Variants in PXDC1 observed in about 807,000 individuals in gnomAD.
PXDC1 encodes PX domain-containing protein 1.
Under a neutral mutation model 24.4 loss-of-function variants are expected in PXDC1, and 13 were observed. The ratio of observed to expected loss-of-function variants is 0.53; its 90% confidence interval spans 0.35 to 0.85. The LOEUF (loss-of-function observed/expected upper bound fraction) is 0.85. Ranked by LOEUF, PXDC1 falls within the 40% of genes least tolerant of loss-of-function variation. The pLI, the probability that PXDC1 is intolerant of heterozygous loss-of-function variation, is 0.01. For missense variants in PXDC1, 344 were observed against 309.3 expected (o/e 1.11, Z -0.84); for synonymous variants, 162 against 124.9 (o/e 1.30, Z -1.98).
In PXDC1 at chr6:3,725,269, A is replaced by G. The variant is rs936588666; in HGVS notation, c.579-1533T>C. On this transcript the variant is annotated intron_variant, in intron 4 of 4. Coordinates refer to ENST00000380283, the MANE Select transcript of PXDC1 (RefSeq NM_183373.4). This position sits in a 1 kb window ranked among gnomAD's most constrained non-coding sequence, Gnocchi z 4.8. ...CAGATCACAGGATGACCCTGAGGAC[A>G]TGAGGAGGGAGGGGGACCGGGATGC... 2.6e-5 allele frequency among the ~76,000 whole-genome samples: 4 copies of G among 152,142 alleles called. No homozygotes were observed. Among genetic ancestry groups the G allele is most frequent in the Non-Finnish European group, 5.9e-5 (4 of 68,002 alleles).
intron 3 of PXDC1, among the ~76,000 whole-genome samples, chr6:3,735,969 C>T (rs1038513177): frequency 1.4e-4 from 21 of 152,176 alleles, no homozygotes; most frequent in Non-Finnish European, 2.1e-4. Context: ...CACCACCCTG[C>T]GCACACACAA....
In PXDC1 at chr6:3,737,129, T is replaced by C; in HGVS notation, c.416A>G (p.Asp139Gly). ...RSPLDQVLKN[D>G]NVHKIQPSFQ... ...GCTGGGTTGAATTTTATGCACATTA[T>C]CATTTTTTAACACCTGATCCAGAGG... The change falls in exon 3 of 5, where the codon GAT (aspartate) becomes GGT (glycine). Residue 139 changes from aspartate to glycine, a missense_variant. Physicochemically the swap from Asp to Gly is moderately conservative, Grantham distance 94 (BLOSUM62 -1). Coordinates refer to ENST00000380283, the MANE Select transcript of PXDC1 (RefSeq NM_183373.4). This position sits in a 1 kb window ranked among gnomAD's most constrained non-coding sequence, Gnocchi z 5.5. 1 of 1,613,964 alleles carries C rather than the reference T, an allele frequency of 6.2e-7. No individual in the cohort carries two copies. The highest frequency in any genetic ancestry group is 2.2e-5 in the East Asian group (1 of 44,886).
At chr6:3,727,293 C>T (rs1486993791) in intron 4 of PXDC1, among the ~76,000 whole-genome samples, 2 of 152,348 alleles carry the variant, frequency 1.3e-5, no homozygotes, top group Non-Finnish European at 1.5e-5. Flanking sequence ...CAGGGCCCCA[C>T]ACGAACCAGG....
At position 3,751,498 on chromosome 6, in the gene PXDC1, C is replaced by G; in HGVS notation, c.34G>C (p.Val12Leu). Residue 12 changes from valine to leucine, a missense_variant, in exon 1 of 5, where the codon GTG (valine) becomes CTG (leucine). Val to Leu is a conservative substitution (Grantham distance 32). Transcript: ENST00000380283. ...CAGCAGCCGCGCACGAACATGTTCA[C>G]GAGCGACGTGCCCTCAAACACCGCC... ...ASAVFEGTSL[V>L]NMFVRGCWVN... 1 of 1,602,564 alleles carries G rather than the reference C, an allele frequency of 6.2e-7. No individual in the cohort carries two copies. The highest frequency in any genetic ancestry group is 8.5e-7 in the Non-Finnish European group (1 of 1,176,296).
intron 1 of PXDC1, among the ~76,000 whole-genome samples, chr6:3,743,201 CTA>C: frequency 1.6e-5 from 2 of 125,230 alleles, no homozygotes; most frequent in Admixed American, 1.6e-4. Flanking sequence ...AATTCTGAAA[CTA>C]AAGGCAGGAT....
intron 1 of PXDC1, among the ~76,000 whole-genome samples, chr6:3,746,066 G>A (rs1740872900): frequency 6.6e-6 from 1 of 152,208 alleles, no homozygotes; most frequent in Non-Finnish European, 1.5e-5. Context: ...AGATCAAGGT[G>A]CTCCTGAGCT....
rs1279508349 is a variant in PXDC1, at chr6:3,751,614, C to T, written c.-83G>A. ...AGGCGCGCCCCGGCCGGGGTCGTCC[C>T]GGGTCTGTCCGTGGCCGGGGTCGTC... On this transcript the variant is annotated 5_prime_UTR_variant, in exon 1 of 5. Coordinates refer to ENST00000380283, the MANE Select transcript of PXDC1 (RefSeq NM_183373.4). 1.7e-5 allele frequency: 23 copies of T among 1,387,482 alleles called. No homozygotes were observed. The African/African-American group carries it at 1.7e-4, about 10-fold the overall frequency. 85.9% of individuals were successfully genotyped at this position (1,387,482 alleles called of 1,614,324 possible). A position where few individuals can be genotyped will look rare whatever the true frequency, so the allele number is the denominator to read the frequency against.
intron 4 of PXDC1, among the ~76,000 whole-genome samples, chr6:3,727,137 G>A (rs1760087845): frequency 6.6e-6 from 1 of 152,266 alleles, no homozygotes; most frequent in South Asian, 2.1e-4. Context: ...GGCTTTGGCT[G>A]TCCAGCCTCA....
intron 3 of PXDC1, among the ~76,000 whole-genome samples, chr6:3,731,503 AT>A (rs962824315): frequency 6.6e-6 from 1 of 152,148 alleles, no homozygotes; most frequent in Non-Finnish European, 1.5e-5. Flanking sequence ...CTTTCAAGCT[AT>A]TTTTTTACAC....
At chr6:3,735,705 G>A (rs1209968524) in intron 3 of PXDC1, among the ~76,000 whole-genome samples, 3 of 152,148 alleles carry the variant, frequency 2.0e-5, no homozygotes, top group African/African-American at 7.2e-5. Context: ...AGGTGACAAG[G>A]GTTAACAGTA....
chr6:3,751,520 C>T lies in PXDC1; in HGVS notation c.12G>A (p.Ala4=). Residue 4 remains alanine, a synonymous_variant, in exon 1 of 5, where the codon GCG becomes GCA. Coordinates refer to ENST00000380283, the MANE Select transcript of PXDC1 (RefSeq NM_183373.4). Reference sequence around the variant, plus strand: ...TCACGAGCGACGTGCCCTCAAACACCGCCGAGGCCATGTCGCACGCATGCC... The same window carrying T: ...TCACGAGCGACGTGCCCTCAAACACTGCCGAGGCCATGTCGCACGCATGCC... MAS[A]VFEGTSLVNM... is the part of the protein sequence containing the mutation. 1 of 1,588,796 alleles carries T rather than the reference C, an allele frequency of 6.3e-7. No homozygotes were observed. The highest frequency in any genetic ancestry group is 8.5e-7 in the Non-Finnish European group (1 of 1,170,154).
At chr6:3,736,771 A>G (rs1176833612) in intron 3 of PXDC1, among the ~76,000 whole-genome samples, 1 of 152,248 alleles carries the variant, frequency 6.6e-6, no homozygotes, top group African/African-American at 2.4e-5. Flanking sequence ...CAGGCTGAAC[A>G]GTGGATTCCA....
chr6:3,751,223 G>A lies in PXDC1; in HGVS notation c.256+53C>T, dbSNP rs544766344. On this transcript the variant is annotated intron_variant, in intron 1 of 4. Transcript: ENST00000380283. ...GAAGTCTCTTCCCCGCCTCCTTCGT[G>A]CACTTCAAGGCTGCCTCGGCCCCGC... 23 of 1,298,654 alleles carry A rather than the reference G, an allele frequency of 1.8e-5. No homozygotes were observed. In the South Asian group the frequency reaches 3.5e-4, roughly 20 times the overall value. 80.4% of individuals were successfully genotyped at this position (1,298,654 alleles called of 1,614,324 possible). A position where few individuals can be genotyped will look rare whatever the true frequency, so the allele number is the denominator to read the frequency against.
chr6:3,725,948 C>G lies in PXDC1; in HGVS notation c.578+1603G>C, dbSNP rs1010712596. Among the ~76,000 whole-genome samples, 2 of 151,006 alleles carry G rather than the reference C, an allele frequency of 1.3e-5. No individual in the cohort carries two copies. The highest frequency in any genetic ancestry group is 4.8e-5 in the African/African-American group (2 of 41,310). On this transcript the variant is annotated intron_variant, in intron 4 of 4. Coordinates refer to ENST00000380283, the MANE Select transcript of PXDC1 (RefSeq NM_183373.4). This position sits in a 1 kb window ranked among gnomAD's most constrained non-coding sequence, Gnocchi z 4.8. ...CAGGCATCCCGGAGCAGGTGGCCGCCTATTCAAGACCTGTCACTCCTGTGC... is the reference window on the plus strand; with the variant it reads ...CAGGCATCCCGGAGCAGGTGGCCGCGTATTCAAGACCTGTCACTCCTGTGC...
At position 3,737,189 on chromosome 6, in the gene PXDC1, C is replaced by T; in HGVS notation, c.356G>A (p.Arg119Lys). The T allele has an allele frequency of 6.2e-7, 1 of 1,602,310 alleles. No individual in the cohort carries two copies. Among genetic ancestry groups the T allele is most frequent in the Non-Finnish European group, 8.6e-7 (1 of 1,169,214 alleles). Reference sequence around the variant, plus strand: ...GAAGAAGGTGAGCACAACTTCCGATCTAGAATACTGGGGAGAAATGCAGGG... The same window carrying T: ...GAAGAAGGTGAGCACAACTTCCGATTTAGAATACTGGGGAGAAATGCAGGG... ...TIISMPCKYS[R>K]SEVVLTFFER... Residue 119 changes from arginine to lysine, a missense_variant, in exon 3 of 5, where the codon AGA (arginine) becomes AAA (lysine). By Grantham distance (26) the Arg-to-Lys change is conservative. Transcript: ENST00000380283. The surrounding 1 kb of genome is among the most constrained non-coding windows in gnomAD (Gnocchi z 5.5).
intron 3 of PXDC1, among the ~76,000 whole-genome samples, chr6:3,734,569 C>T (rs1478241833): frequency 1.3e-5 from 2 of 152,050 alleles, no homozygotes; most frequent in African/African-American, 2.4e-5. Context: ...CCATAGACAC[C>T]CAGCCAGGAA....
intron 1 of PXDC1, among the ~76,000 whole-genome samples, chr6:3,744,786 T>C (rs1760527832): frequency 6.6e-6 from 1 of 152,344 alleles, no homozygotes; most frequent in Middle Eastern, 3.4e-3. Flanking sequence ...CAAGCTCCGC[T>C]TCCAGGGTTC....
rs1349340139 is a variant in PXDC1, at chr6:3,727,607, G to T, written c.522C>A (p.Asp174Glu). ...CLANTETIVI[D>E]HSIPNGRDQQ... ...GGTCTCTTCCATTTGGTATACTGTG[G>T]TCAATAACTATTGTTTCGGTATTTG... is the stretch of plus-strand genomic sequence containing the variant. Residue 174 changes from aspartate to glutamate, a missense_variant, in exon 4 of 5, where the codon GAC becomes GAA. Asp to Glu is a conservative substitution (Grantham distance 45, BLOSUM62 2). Coordinates refer to ENST00000380283, the MANE Select transcript of PXDC1 (RefSeq NM_183373.4). 1.2e-6 allele frequency: 2 copies of T among 1,613,802 alleles called. No individual in the cohort carries two copies. Among genetic ancestry groups the T allele is most frequent in the South Asian group, 1.1e-5 (1 of 91,070 alleles).
chr6:3,727,918 C>T (rs889252282), intron 3 of PXDC1, among the ~76,000 whole-genome samples: 30 of 152,152 alleles, frequency 2.0e-4, no homozygotes, highest in African/African-American at 1.4e-4. Context: ...TGCCTGAGTA[C>T]GCTCTCCATA....
Sources: gnomAD v4.1 joint callset for allele counts (sites outside exome capture counted in the v4.1 genomes callset) on GRCh38, gnomAD v4.1.1 for gene constraint, Gnocchi (gnomAD v3.1) non-coding constraint, MANE v1.5 for transcripts, NCBI Gene and HGNC (gene_info 2026-07-23, HGNC 2026-07-21) for gene names.